Variants in RIMS1 observed in about 807,000 individuals in gnomAD.
RIMS1 encodes the protein regulating synaptic membrane exocytosis 1.
A neutral mutation model predicts 214.1 loss-of-function variants in RIMS1; 83 were observed. That is an observed-to-expected ratio of 0.39 (90% confidence interval 0.32 to 0.47). The LOEUF is 0.47. Among genes scored for constraint, RIMS1 ranks in the 20% least tolerant of loss-of-function variants. The pLI is 0.99. For missense variants in RIMS1, 2,050 were observed against 2,161.8 expected, an observed-to-expected ratio of 0.95 and a Z score of 1.03; for synonymous variants, 793 against 786.8, an observed-to-expected ratio of 1.01 and a Z score of -0.13.
chr6:72,240,437 T>A (rs1434705318), intron 9 of RIMS1, among the ~76,000 whole-genome samples: 1 of 143,054 alleles, frequency 7.0e-6, no homozygotes, highest in Non-Finnish European at 1.5e-5. Flanking sequence ...GGGTAAGTAT[T>A]GTTTCATAAA....
In RIMS1 at chr6:72,345,012, A is replaced by G. The variant is rs1026160285; in HGVS notation, c.4366+11177A>G. Among the ~76,000 whole-genome samples the G allele has an allele frequency of 6.6e-5, 10 of 151,778 alleles. No homozygotes were observed. The South Asian group carries it at 1.0e-3, about 16-fold the overall frequency. On this transcript the variant is annotated intron_variant, in intron 29 of 33. Transcript: ENST00000521978. The stretch of plus-strand genomic sequence containing the variant: ...CCTTCAAAGCACAACACTTAGCACT[A>G]AAATAATTACACATGTTGATATTTT...
intron 4 of RIMS1, chr6:72,126,724 G>T: frequency 4.5e-6 from 1 of 219,942 alleles, no homozygotes; most frequent in Non-Finnish European, 8.8e-6. Context: ...AAACAACAAT[G>T]ATATACCACC....
At chr6:72,173,455 A>T in intron 4 of RIMS1, among the ~76,000 whole-genome samples, 1 of 148,738 alleles carries the variant, frequency 6.7e-6, no homozygotes, top group South Asian at 2.1e-4. Flanking sequence ...TTTTTATTTC[A>T]TGTGTTTTAT....
chr6:72,252,850 A>G lies in RIMS1; in HGVS notation c.2770+18A>G. On this transcript the variant is annotated intron_variant, in intron 16 of 33. Transcript: ENST00000521978. ...TCCTCCAGGTGCGTGGGTGAGGAGCATGACCCTGCTTCACTGTGCTGCTTT... is the reference window on the plus strand; with the variant it reads ...TCCTCCAGGTGCGTGGGTGAGGAGCGTGACCCTGCTTCACTGTGCTGCTTT... 6.5e-7 allele frequency: 1 copy of G among 1,542,730 alleles called. No homozygotes were observed. Among genetic ancestry groups the G allele is most frequent in the Non-Finnish European group, 8.8e-7 (1 of 1,138,310 alleles).
intron 2 of RIMS1, among the ~76,000 whole-genome samples, chr6:72,063,862 A>C (rs964780692): frequency 6.6e-6 from 1 of 152,220 alleles, no homozygotes; most frequent in Non-Finnish European, 1.5e-5. Context: ...GGAAGCAAGA[A>C]GTCTGGGATT....
intron 2 of RIMS1, among the ~76,000 whole-genome samples, chr6:72,010,083 A>G (rs1178950643): frequency 2.0e-5 from 3 of 152,230 alleles, no homozygotes; most frequent in African/African-American, 7.2e-5. Flanking sequence ...AATCCTCAAT[A>G]AAATACTGGC....
intron 27 of RIMS1, 75 bp downstream of exon 27, chr6:72,307,445 G>A: frequency 1.1e-6 from 1 of 928,532 alleles, no homozygotes; most frequent in Non-Finnish European, 1.6e-6. Context: ...GGATTAGAAA[G>A]CACCGAATTA....
At chr6:71,982,213 A>C (rs1024725519) in intron 2 of RIMS1, among the ~76,000 whole-genome samples, 1 of 152,136 alleles carries the variant, frequency 6.6e-6, no homozygotes, top group Non-Finnish European at 1.5e-5. Context: ...GTGTTAAAAT[A>C]CTTGGACTGG....
intron 6 of RIMS1, among the ~76,000 whole-genome samples, chr6:72,188,446 C>A (rs1168244278): frequency 6.6e-6 from 1 of 152,116 alleles, no homozygotes; most frequent in Non-Finnish European, 1.5e-5. Flanking sequence ...GATATGAAGT[C>A]AATAAATCTT....
At chr6:72,197,571 G>T (rs2051193777) in intron 6 of RIMS1, among the ~76,000 whole-genome samples, 1 of 151,976 alleles carries the variant, frequency 6.6e-6, no homozygotes, top group Non-Finnish European at 1.5e-5. Flanking sequence ...TAAAGAGAAA[G>T]CTCTGGGTAC....
At chr6:72,267,523 C>T (rs2081139019) in intron 22 of RIMS1, among the ~76,000 whole-genome samples, 1 of 152,032 alleles carries the variant, frequency 6.6e-6, no homozygotes, top group South Asian at 2.1e-4. Context: ...TTTCACATGT[C>T]ATTATTATAC....
chr6:72,169,921 CAT>C, intron 4 of RIMS1, among the ~76,000 whole-genome samples: 1 of 152,160 alleles, frequency 6.6e-6, no homozygotes, highest in East Asian at 1.9e-4. Flanking sequence ...AAAAACAAAA[CAT>C]ATGTGAGATG....
intron 6 of RIMS1, among the ~76,000 whole-genome samples, chr6:72,183,869 A>G (rs912135578): frequency 2.0e-5 from 3 of 152,210 alleles, no homozygotes; most frequent in African/African-American, 7.2e-5. Context: ...ACATGAATCT[A>G]TTATAAAAAG....
At chr6:72,091,975 A>T (rs1053093239) in intron 2 of RIMS1, among the ~76,000 whole-genome samples, 4 of 152,238 alleles carry the variant, frequency 2.6e-5, no homozygotes, top group African/African-American at 9.6e-5. Flanking sequence ...TCCATTTATT[A>T]TTCATAATAG....
intron 29 of RIMS1, among the ~76,000 whole-genome samples, chr6:72,334,192 T>TA: frequency 6.6e-6 from 1 of 152,036 alleles, no homozygotes; most frequent in East Asian, 1.9e-4. Context: ...TTCAATTACT[T>TA]ATTTTTGGCT....
chr6:71,926,550 G>A (rs145128113), intron 1 of RIMS1, among the ~76,000 whole-genome samples: 1 of 152,204 alleles, frequency 6.6e-6, no homozygotes, highest in Non-Finnish European at 1.5e-5. Context: ...ATAGATCTCT[G>A]CTCAGCATTG....
At chr6:72,108,534 C>T (rs1194190231) in intron 4 of RIMS1, among the ~76,000 whole-genome samples, 1 of 151,828 alleles carries the variant, frequency 6.6e-6, no homozygotes, top group African/African-American at 2.4e-5. Context: ...TTTATTTAAA[C>T]TTCTGTCTTT....
intron 28 of RIMS1, among the ~76,000 whole-genome samples, chr6:72,324,018 G>T (rs1399046823): frequency 7.0e-6 from 1 of 142,022 alleles, no homozygotes; most frequent in South Asian, 2.3e-4. Context: ...ATAAATGAGT[G>T]CATGCATGCA....
intron 6 of RIMS1, among the ~76,000 whole-genome samples, chr6:72,224,788 A>T (rs1301251502): frequency 2.0e-5 from 3 of 152,106 alleles, no homozygotes; most frequent in Non-Finnish European, 4.4e-5. Context: ...CTTCTGTCAC[A>T]TGGAGTTGGA....
Sources: gnomAD v4.1 joint callset for allele counts (sites outside exome capture counted in the v4.1 genomes callset) on GRCh38, gnomAD v4.1.1 for gene constraint, MANE v1.5 for transcripts, NCBI Gene and HGNC (gene_info 2026-07-23, HGNC 2026-07-21) for gene names.